TNFRSF9: variants seen among roughly 807,000 people sequenced by gnomAD.
TNFRSF9 encodes the protein tumor necrosis factor receptor superfamily member 9.
In TNFRSF9, 16 loss-of-function variants were observed where a neutral mutation model predicts 28.8. The ratio of observed to expected loss-of-function variants is 0.55; its 90% CI spans 0.38 to 0.84. The LOEUF is 0.84. TNFRSF9 is among the 40% of genes least tolerant of loss of function. The pLI is 0.00. For synonymous variants in TNFRSF9, 131 were observed against 117.0 expected (o/e 1.12, Z -0.77); for missense variants, 303 against 315.0 (o/e 0.96, Z 0.29).
intron 5 of TNFRSF9, among the ~76,000 whole-genome samples, chr1:7,936,904 T>A (rs959933489): frequency 6.6e-6 from 1 of 152,202 alleles, no homozygotes; most frequent in Non-Finnish European, 1.5e-5. Context: ...CCAGCACCCA[T>A]CCACAGACCA....
intron 7 of TNFRSF9, among the ~76,000 whole-genome samples, chr1:7,922,226 T>G (rs1639570577): frequency 6.6e-6 from 1 of 152,202 alleles, no homozygotes; most frequent in South Asian, 2.1e-4. Context: ...TATGAAAAAC[T>G]GGCAAGATGT....
intron 7 of TNFRSF9, among the ~76,000 whole-genome samples, chr1:7,925,421 T>C (rs1000358804): frequency 6.6e-6 from 1 of 152,172 alleles, no homozygotes; most frequent in Non-Finnish European, 1.5e-5. Flanking sequence ...ACAGTGTTTA[T>C]AAGACTACAG....
In TNFRSF9 at chr1:7,933,835, G is replaced by A. The variant is rs562458268; in HGVS notation, c.545-539C>T. On this transcript the variant is annotated intron_variant, in intron 6 of 7. Coordinates refer to ENST00000377507, the MANE Select transcript of TNFRSF9 (RefSeq NM_001561.6). ...AGTTTGAAACCAGCCTGGCCAACAT[G>A]GAGAAACTCCATCTCTACTAAAAAT... is the stretch of plus-strand genomic sequence containing the variant. Among the ~76,000 whole-genome samples, 4 of 152,184 alleles carry A rather than the reference G, an allele frequency of 2.6e-5. No individual in the cohort carries two copies. In the South Asian group the frequency reaches 8.3e-4, roughly 32 times the overall value.
At chr1:7,935,237 C>G in intron 5 of TNFRSF9, 94 bp from the exon 6 acceptor site, 2 of 1,420,412 alleles carry the variant, frequency 1.4e-6, no homozygotes, top group South Asian at 2.7e-5. Flanking sequence ...ATGAAGTAGC[C>G]TAGTGAAAAA....
chr1:7,939,388 A>G (rs161812), intron 2 of TNFRSF9, among the ~76,000 whole-genome samples: 115,576 of 150,902 alleles, frequency 0.77, 45,430 homozygotes, highest in East Asian at 1. Flanking sequence ...AAATAAATCA[A>G]CAGAAAGAAA....
In TNFRSF9 at chr1:7,937,733, T is replaced by C. The variant is rs1639841413; in HGVS notation, c.370A>G (p.Thr124Ala). 5.0e-6 allele frequency: 8 copies of C among 1,613,568 alleles called. No homozygotes were observed. Among genetic ancestry groups the C allele is most frequent in the Non-Finnish European group, 6.8e-6 (8 of 1,179,526 alleles). ...ATGCCACGTTTCTGATCGTTAAATG[T>C]CCCAAAGCAACAGTCTTTACAACCT... is the stretch of plus-strand genomic sequence containing the variant. Reference protein sequence around the residue: ...KKGCKDCCFGTFNDQKRGICR... With the variant: ...KKGCKDCCFGAFNDQKRGICR... Residue 124 changes from threonine (T) to alanine (A), a missense_variant, in exon 5 of 8, where the codon ACA (threonine) becomes GCA (alanine). Coordinates refer to ENST00000377507, the MANE Select transcript of TNFRSF9 (RefSeq NM_001561.6).
chr1:7,918,739 A>G lies in TNFRSF9; in HGVS notation c.*2096T>C, dbSNP rs1639515436. 6.6e-6 allele frequency: 1 copy of G among 152,194 alleles called. No individual in the cohort carries two copies. 9.4% of individuals were successfully genotyped at this position (152,194 alleles called of 1,614,324 possible). On this transcript the variant is annotated 3_prime_UTR_variant, in exon 8 of 8. Coordinates refer to ENST00000377507, the MANE Select transcript of TNFRSF9 (RefSeq NM_001561.6). ...TTAAAAAAATAAACACAAATGGTAT[A>G]TAAATATTTGACAAGGTGCTCATCA...
At chr1:7,935,519 T>C (rs941264098) in intron 5 of TNFRSF9, among the ~76,000 whole-genome samples, 3 of 152,122 alleles carry the variant, frequency 2.0e-5, no homozygotes, top group East Asian at 3.9e-4. Context: ...CAGAATGACT[T>C]TGGGCAAGTC....
chr1:7,921,049 A>G (rs1413833007), intron 7 of TNFRSF9, 126 bp from the exon 8 acceptor site: 1 of 719,298 alleles, frequency 1.4e-6, no homozygotes, highest in East Asian at 2.8e-5. Flanking sequence ...AATTTTAACA[A>G]ACTCAGCCAG....
intron 7 of TNFRSF9, among the ~76,000 whole-genome samples, chr1:7,924,272 A>G (rs956904949): frequency 1.4e-5 from 2 of 145,840 alleles, no homozygotes; most frequent in Non-Finnish European, 3.0e-5. Flanking sequence ...CATACTTTTT[A>G]TAGTTATTTC....
intron 6 of TNFRSF9, 28 bp from the exon 7 acceptor site, chr1:7,933,324 C>T: frequency 6.2e-7 from 1 of 1,605,236 alleles, no homozygotes; most frequent in Non-Finnish European, 8.5e-7. Flanking sequence ...AGGAGAAACG[C>T]ATGCAGAAAT....
In TNFRSF9 at chr1:7,938,336, A is replaced by G; in HGVS notation, c.209-6T>C. The stretch of plus-strand genomic sequence containing the variant: ...CTTCCTGGTCCTGAAAACACCTACA[A>G]AGTCCCCCCAGCCCCCAACATTTTA... On this transcript the variant is annotated splice_region_variant and splice_polypyrimidine_tract_variant and intron_variant, in intron 3 of 7. Coordinates refer to ENST00000377507, the MANE Select transcript of TNFRSF9 (RefSeq NM_001561.6). The G allele has an allele frequency of 1.3e-6, 2 of 1,597,256 alleles. No individual in the cohort carries two copies. The highest frequency in any genetic ancestry group is 1.7e-6 in the Non-Finnish European group (2 of 1,171,910).
rs560140750 is a variant in TNFRSF9 at position 7,934,495 on chromosome 1, G to A, written c.544+518C>T. Among the ~76,000 whole-genome samples the A allele has an allele frequency of 3.3e-5, 5 of 152,190 alleles. No individual in the cohort carries two copies. In the South Asian group the frequency reaches 8.3e-4, roughly 25 times the overall value. On this transcript the variant is annotated intron_variant, in intron 6 of 7. Coordinates refer to ENST00000377507, the MANE Select transcript of TNFRSF9 (RefSeq NM_001561.6). ...GGAGGCCGAGGTGGGCGGATCATGC[G>A]GTCAGGAGTTCAAGACCAGACTGGC...
intron 7 of TNFRSF9, among the ~76,000 whole-genome samples, chr1:7,927,573 G>A (rs1325794459): frequency 1.3e-5 from 2 of 152,074 alleles, no homozygotes; most frequent in Non-Finnish European, 2.9e-5. Flanking sequence ...AGGCCAAGGA[G>A]GGAGGATCAC....
chr1:7,937,470 G>A (rs548389539), intron 5 of TNFRSF9, among the ~76,000 whole-genome samples: 8 of 152,268 alleles, frequency 5.3e-5, no homozygotes, highest in Admixed American at 3.3e-4. Context: ...GCCTCCACTG[G>A]CAATTCTGAT....
chr1:7,922,954 G>C (rs559507449), intron 7 of TNFRSF9, among the ~76,000 whole-genome samples: 34 of 149,188 alleles, frequency 2.3e-4, no homozygotes, highest in African/African-American at 8.4e-4. Flanking sequence ...CCAGGCTGGA[G>C]TGCAATGGCG....
Position 7,934,898 on chromosome 1 carries a change from G to A in TNFRSF9, c.544+115C>T, listed in dbSNP as rs9657982. On this transcript the variant is annotated intron_variant, in intron 6 of 7. Transcript: ENST00000377507. ...CTGGGTCCCTGAGGGCAGGATTCAG[G>A]AAGAATGCACGTGGGAGGTGCCTGA... The A allele has an allele frequency of 9.1e-3, 12,633 of 1,382,900 alleles. 964 individuals are homozygous for A. The African/African-American group carries it at 0.16, about 17-fold the overall frequency. 85.7% of individuals were successfully genotyped at this position (1,382,900 alleles called of 1,614,324 possible).
intron 7 of TNFRSF9, among the ~76,000 whole-genome samples, chr1:7,929,820 G>C (rs897834592): frequency 7.9e-5 from 12 of 152,108 alleles, no homozygotes; most frequent in African/African-American, 2.9e-4. Flanking sequence ...AACTACACAC[G>C]CACACTGTGC....
Position 7,919,749 on chromosome 1 carries a change from A to G in TNFRSF9, c.*1086T>C, listed in dbSNP as rs1639529960. ...ACAGACAAACAAAGGCAAATGGTGC[A>G]CCAGGTTTGGCCATGGGAGTTTGGC... On this transcript the variant is annotated 3_prime_UTR_variant, in exon 8 of 8. Transcript: ENST00000377507. 6.6e-6 allele frequency: 1 copy of G among 152,352 alleles called. No individual in the cohort carries two copies. The highest frequency in any genetic ancestry group is 2.4e-5 in the African/African-American group (1 of 41,462). The allele number at this position is 152,352 out of a possible 1,614,324, so 9.4% of individuals were successfully genotyped here.
Sources: allele counts gnomAD v4.1 joint callset (sites outside exome capture counted in the v4.1 genomes callset), GRCh38; gene constraint gnomAD v4.1.1; transcripts MANE v1.5; gene names NCBI Gene and HGNC (gene_info 2026-07-23, HGNC 2026-07-21).